Variants in ANKRD28 observed in about 807,000 individuals in gnomAD.
The protein encoded by ANKRD28 is ankyrin repeat domain 28, also known as serine/threonine-protein phosphatase 6 regulatory ankyrin repeat subunit A.
In ANKRD28, 44 loss-of-function variants were observed where a neutral mutation model predicts 126.5. That is an observed-to-expected ratio of 0.35 (90% CI 0.27 to 0.45). The LOEUF (loss-of-function observed/expected upper bound fraction) is 0.45. ANKRD28 is among the 20% of genes least tolerant of loss of function. The probability of loss-of-function intolerance (pLI) is 1.00; values close to 1 mark genes in which losing one functional copy is unlikely to be tolerated. For synonymous variants in ANKRD28, 442 were observed against 468.5 expected, an observed-to-expected ratio of 0.94 and a Z score of 0.73; for missense variants, 1,110 against 1,316.6, an observed-to-expected ratio of 0.84 and a Z score of 2.43.
chr3:15,717,575 C>T (rs936104324), intron 8 of ANKRD28, among the ~76,000 whole-genome samples: 2 of 151,558 alleles, frequency 1.3e-5, no homozygotes, highest in Non-Finnish European at 2.9e-5. Context: ...CTACAAAAAT[C>T]CTAACAGTTG....
chr3:15,707,071 G>T (rs76894862), intron 14 of ANKRD28, among the ~76,000 whole-genome samples: 2 of 152,058 alleles, frequency 1.3e-5, no homozygotes, highest in African/African-American at 4.8e-5. Flanking sequence ...TTTTGAGGGC[G>T]AAAAGTAAAT....
intron 14 of ANKRD28, among the ~76,000 whole-genome samples, 170 bp from the exon 15 acceptor site, chr3:15,696,415 C>T (rs1486679186): frequency 6.6e-6 from 1 of 151,942 alleles, no homozygotes; most frequent in Non-Finnish European, 1.5e-5. Context: ...ACTAAAGTAT[C>T]ATAAAAATGC....
intron 3 of ANKRD28, among the ~76,000 whole-genome samples, chr3:15,759,338 C>T (rs1278444046): frequency 1.3e-5 from 2 of 152,006 alleles, no homozygotes; most frequent in Non-Finnish European, 2.9e-5. Context: ...CAAATTTAGG[C>T]TAAAATGAGA....
At position 15,817,971 on chromosome 3, in the gene ANKRD28, T is replaced by G. The variant is rs565768642; in HGVS notation, c.28-22665A>C. On this transcript the variant is annotated intron_variant, in intron 1 of 27. Transcript: ENST00000399451. This position sits in a 1 kb window ranked among gnomAD's most constrained non-coding sequence, Gnocchi z 4.5. ...TTTCTACATACTACCAATGAACAAC[T>G]GGAAATCAAAACAAAAAGCAGTACC... Among the ~76,000 whole-genome samples the G allele has an allele frequency of 1.9e-4, 29 of 152,216 alleles. No homozygotes were observed. Among genetic ancestry groups the G allele is most frequent in the African/African-American group, 6.7e-4 (28 of 41,528 alleles).
intron 8 of ANKRD28, among the ~76,000 whole-genome samples, chr3:15,717,022 C>T (rs2073155190): frequency 6.6e-6 from 1 of 152,200 alleles, no homozygotes; most frequent in Admixed American, 6.5e-5. Context: ...TTATTTAATT[C>T]TCACAACCCT....
intron 2 of ANKRD28, 89 bp downstream of exon 2, chr3:15,795,129 GTTATA>G: frequency 1.1e-6 from 1 of 883,956 alleles, no homozygotes. Flanking sequence ...CTGTTACAGA[GTTATA>G]TTATGTCTTG....
In ANKRD28 at chr3:15,830,116, G is replaced by T. The variant is rs1253397197; in HGVS notation, c.27+29261C>A. Among the ~76,000 whole-genome samples the T allele has an allele frequency of 1.3e-5, 2 of 152,130 alleles. No homozygotes were observed. The highest frequency in any genetic ancestry group is 2.9e-5 in the Non-Finnish European group (2 of 68,028). On this transcript the variant is annotated intron_variant, in intron 1 of 27. Coordinates refer to the ANKRD28 transcript ENST00000399451. This position sits in a 1 kb window ranked among gnomAD's most constrained non-coding sequence, Gnocchi z 4.5. The stretch of plus-strand genomic sequence containing the variant: ...TTCCCTCCCCTTAACTGTAAGCAAG[G>T]CAGTGAAAAACACAGTCTGGTGCCA...
In ANKRD28 at chr3:15,684,733, A is replaced by G. The variant is rs539202148; in HGVS notation, c.2389+493T>C. The G allele has an allele frequency of 6.4e-5, 10 of 155,660 alleles. No homozygotes were observed. The East Asian group carries it at 1.9e-3, about 30-fold the overall frequency. The allele number at this position is 155,660 out of a possible 1,614,324, so 9.6% of individuals were successfully genotyped here. On this transcript the variant is annotated intron_variant, in intron 21 of 27. Transcript: ENST00000683139. ...GGACTCTTAAAAAAAAAAAAATAGT[A>G]AAAGAACACAATCAAAATACAAGCA...
chr3:15,682,079 G>A (rs6796083), intron 21 of ANKRD28, among the ~76,000 whole-genome samples: 14,133 of 151,636 alleles, frequency 0.093, 716 homozygotes, highest in African/African-American at 0.12. Context: ...CTGGGGTGAC[G>A]CAAAAAAAAT....
intron 21 of ANKRD28, among the ~76,000 whole-genome samples, chr3:15,682,822 G>A (rs1006768178): frequency 6.6e-6 from 1 of 152,166 alleles, no homozygotes; most frequent in Admixed American, 6.6e-5. Flanking sequence ...ATTTTAGGCT[G>A]TCTATATAGT....
intron 17 of ANKRD28, 103 bp downstream of exon 17, chr3:15,694,636 T>G: frequency 1.1e-6 from 1 of 891,468 alleles, no homozygotes; most frequent in South Asian, 1.8e-5. Context: ...AACTATTACA[T>G]GGACCAAAAG....
chr3:15,733,694 G>A (rs1477761504), intron 6 of ANKRD28, among the ~76,000 whole-genome samples: 1 of 152,068 alleles, frequency 6.6e-6, no homozygotes, highest in Non-Finnish European at 1.5e-5. Context: ...AATCACTGTT[G>A]ACACCTTATT....
At chr3:15,798,807 A>T (rs1190902624), upstream of ANKRD28, among the ~76,000 whole-genome samples, 1 of 152,078 alleles carries the variant, frequency 6.6e-6, no homozygotes, top group Non-Finnish European at 1.5e-5. Context: ...AACATGGGGG[A>T]TATTTCTCAA....
At chr3:15,722,130 G>T (rs192736892) in intron 7 of ANKRD28, among the ~76,000 whole-genome samples, 8 of 152,306 alleles carry the variant, frequency 5.3e-5, no homozygotes, top group African/African-American at 1.9e-4. Flanking sequence ...AGAGAGGTCT[G>T]TCCTTTGCCC....
At chr3:15,789,501 T>C (rs2059930532) in intron 2 of ANKRD28, among the ~76,000 whole-genome samples, 1 of 152,006 alleles carries the variant, frequency 6.6e-6, no homozygotes, top group African/African-American at 2.4e-5. Context: ...ATGTCTTTGG[T>C]TGTCTCCCAT....
chr3:15,708,896 C>T (rs1472456999), intron 13 of ANKRD28, among the ~76,000 whole-genome samples: 2 of 152,176 alleles, frequency 1.3e-5, no homozygotes, highest in Non-Finnish European at 1.5e-5. Context: ...ATACACCCTT[C>T]CTTCTCATAC....
chr3:15,672,187 C>A (rs1427174157), intron 27 of ANKRD28, among the ~76,000 whole-genome samples: 2 of 151,104 alleles, frequency 1.3e-5, no homozygotes, highest in Non-Finnish European at 2.9e-5. Flanking sequence ...GTTCTGTCAC[C>A]CAGGCTGGAG....
At chr3:15,789,888 A>G (rs2059948072) in intron 2 of ANKRD28, among the ~76,000 whole-genome samples, 1 of 152,108 alleles carries the variant, frequency 6.6e-6, no homozygotes, top group Non-Finnish European at 1.5e-5. Context: ...TAAGAAAAAA[A>G]GAGAAGAAGA....
intron 1 of ANKRD28, among the ~76,000 whole-genome samples, chr3:15,824,224 A>G (rs1304038574): frequency 2.6e-5 from 4 of 152,230 alleles, no homozygotes; most frequent in East Asian, 3.8e-4. Context: ...GCGCCATCTC[A>G]GCTCACTGCA....
Sources: allele counts gnomAD v4.1 joint callset (sites outside exome capture counted in the v4.1 genomes callset), GRCh38; gene constraint gnomAD v4.1.1; non-coding constraint Gnocchi (gnomAD v3.1); transcripts MANE v1.5; gene names NCBI Gene and HGNC (gene_info 2026-07-23, HGNC 2026-07-21).